The following RAB9A variants were observed in gnomAD, a reference collection of about 807,000 sequenced individuals.
The protein encoded by RAB9A is ras-related protein Rab-9A.
In RAB9A, 1 loss-of-function variant was observed where a neutral mutation model predicts 10.3. The ratio of observed to expected loss-of-function variants is 0.10; its 90% CI spans 0.03 to 0.46. RAB9A has a LOEUF of 0.46. Among genes scored for constraint, RAB9A ranks in the 20% least tolerant of loss-of-function variants. RAB9A has a pLI of 0.96. For synonymous variants in RAB9A, 39 were observed against 55.2 expected, an observed-to-expected ratio of 0.71 and a Z score of 1.30; for missense variants, 92 against 150.3, an observed-to-expected ratio of 0.61 and a Z score of 2.03.
At chrX:13,705,571 G>A (rs5979949) in intron 2 of RAB9A, among the ~76,000 whole-genome samples, 29,992 of 110,944 alleles carry the variant, frequency 0.27, 3,156 homozygotes, top group Non-Finnish European at 0.33. Context: ...AATAGTCTGG[G>A]TGGGGTTTGT....
intron 2 of RAB9A, among the ~76,000 whole-genome samples, chrX:13,705,179 G>C (rs764717813): frequency 1.6e-4 from 18 of 112,182 alleles, no homozygotes; most frequent in Middle Eastern, 9.3e-3. Flanking sequence ...TTAATGTATA[G>C]ATCAAATGAA....
chrX:13,691,003 G>A (rs1419373025), intron 1 of RAB9A, among the ~76,000 whole-genome samples: 2 of 111,572 alleles, frequency 1.8e-5, no homozygotes, highest in African/African-American at 6.5e-5. Flanking sequence ...ATGCCTGGAG[G>A]CATCTTTGGT....
chrX:13,695,826 C>T (rs987700449), intron 1 of RAB9A, among the ~76,000 whole-genome samples: 2 of 111,223 alleles, frequency 1.8e-5, no homozygotes, highest in African/African-American at 6.6e-5. Context: ...GGGTTTCAGT[C>T]TCGTGAAATA....
At chrX:13,705,277 TAGAG>T (rs1445831646) in intron 2 of RAB9A, among the ~76,000 whole-genome samples, 4 of 111,903 alleles carry the variant, frequency 3.6e-5, no homozygotes, top group South Asian at 3.7e-4. Context: ...ACTCTAGAGT[TAGAG>T]AGATATTCAT....
chrX:13,695,462 A>G (rs2046143377), intron 1 of RAB9A, among the ~76,000 whole-genome samples: 1 of 111,876 alleles, frequency 8.9e-6, no homozygotes, highest in African/African-American at 3.3e-5. Flanking sequence ...GGTAATTTTA[A>G]GGTGCTATAT....
intron 1 of RAB9A, among the ~76,000 whole-genome samples, chrX:13,697,773 G>A (rs769946150): frequency 1.8e-5 from 2 of 111,926 alleles, no homozygotes; most frequent in African/African-American, 6.5e-5. Context: ...AACTCCTTAA[G>A]ATCTGATGAA....
At chrX:13,704,718 A>G (rs2046190147) in intron 2 of RAB9A, among the ~76,000 whole-genome samples, 1 of 109,472 alleles carries the variant, frequency 9.1e-6, no homozygotes, top group Non-Finnish European at 1.9e-5. Flanking sequence ...AGGTTCAAGT[A>G]ATTCTCATGC....
intron 2 of RAB9A, among the ~76,000 whole-genome samples, chrX:13,706,688 C>T (rs1285531912): frequency 9.1e-6 from 1 of 110,134 alleles, no homozygotes; most frequent in African/African-American, 3.3e-5. Flanking sequence ...TGTGAGCCAT[C>T]GTGCCTGGCC....
At chrX:13,695,488 G>A (rs1034656566) in intron 1 of RAB9A, among the ~76,000 whole-genome samples, 1 of 112,044 alleles carries the variant, frequency 8.9e-6, no homozygotes, top group African/African-American at 3.3e-5. Flanking sequence ...GTACCTAGTA[G>A]ATATTCAGTT....
intron 1 of RAB9A, among the ~76,000 whole-genome samples, chrX:13,690,060 A>G (rs1341864097): frequency 1.8e-5 from 2 of 108,138 alleles, no homozygotes; most frequent in African/African-American, 6.8e-5. Context: ...GCACGTGACC[A>G]CAATCTTTTC....
chrX:13,697,437 C>T (rs1316507377), intron 1 of RAB9A, among the ~76,000 whole-genome samples: 2 of 111,858 alleles, frequency 1.8e-5, no homozygotes, highest in Admixed American at 9.5e-5. Flanking sequence ...CCAAAGTGCA[C>T]TCTATTGTCA....
intron 2 of RAB9A, among the ~76,000 whole-genome samples, chrX:13,708,264 C>T: frequency 9.4e-6 from 1 of 106,314 alleles, no homozygotes. Flanking sequence ...TTCAAGGCTG[C>T]AGTAAGCCAA....
Position 13,709,110 on chromosome X carries a change from C to A in RAB9A, c.364C>A (p.Leu122Met). ...GCCTGAGAGCTTTCCTTTTGTGATT[C>A]TGGGTAACAAGATTGACATAAGCGA... Reference protein sequence around the residue: ...KEPESFPFVILGNKIDISERQ... With the variant: ...KEPESFPFVIMGNKIDISERQ... The change falls in exon 3 of 3, where the codon CTG (leucine) becomes ATG (methionine). Residue 122 changes from leucine to methionine, a missense_variant. Transcript: ENST00000464506. 1 of 1,211,663 alleles carries A rather than the reference C, an allele frequency of 8.3e-7. No homozygotes were observed. The highest frequency in any genetic ancestry group is 1.8e-5 in the South Asian group (1 of 56,963).
intron 1 of RAB9A, among the ~76,000 whole-genome samples, chrX:13,693,209 T>C (rs901729668): frequency 8.9e-6 from 1 of 112,223 alleles, no homozygotes; most frequent in African/African-American, 3.2e-5. Flanking sequence ...GTAAGCCAAA[T>C]GGAAGTGTGT....
intron 1 of RAB9A, among the ~76,000 whole-genome samples, chrX:13,699,987 C>T (rs2046165954): frequency 9.0e-6 from 1 of 111,467 alleles, no homozygotes; most frequent in South Asian, 3.8e-4. Context: ...CAGAGTCTCA[C>T]TCTGTCACCC....
At chrX:13,699,000 C>T (rs1263979567) in intron 1 of RAB9A, among the ~76,000 whole-genome samples, 2 of 109,400 alleles carry the variant, frequency 1.8e-5, no homozygotes, top group Admixed American at 2.0e-4. Context: ...AAATTTAAAC[C>T]AGGAGTGATA....
chrX:13,696,500 G>T lies in RAB9A; in HGVS notation c.-116+7212G>T, dbSNP rs1209391208. ...TTCAGACAGATGGCTACACCTGAGA[G>T]AATTCACTATATACTAGCTGGGCCT... is the stretch of plus-strand genomic sequence containing the variant. On this transcript the variant is annotated intron_variant, in intron 1 of 2. Coordinates refer to ENST00000464506, the MANE Select transcript of RAB9A (RefSeq NM_004251.5). 2.7e-5 allele frequency among the ~76,000 whole-genome samples: 3 copies of T among 112,087 alleles called. No individual in the cohort carries two copies. In the Admixed American group the frequency reaches 2.8e-4, roughly 11 times the overall value.
intron 1 of RAB9A, among the ~76,000 whole-genome samples, chrX:13,696,922 T>C (rs1308613709): frequency 8.9e-6 from 1 of 111,898 alleles, no homozygotes; most frequent in Non-Finnish European, 1.9e-5. Context: ...AAACTGAACT[T>C]GATGAAGAGC....
chrX:13,699,663 A>T (rs908232853), intron 1 of RAB9A, among the ~76,000 whole-genome samples: 10 of 112,429 alleles, frequency 8.9e-5, no homozygotes, highest in Non-Finnish European at 1.7e-4. Context: ...CTGATGACTA[A>T]GATTGTCATA....
Sources: gnomAD v4.1 joint callset for allele counts (sites outside exome capture counted in the v4.1 genomes callset) on GRCh38, gnomAD v4.1.1 for gene constraint, MANE v1.5 for transcripts, NCBI Gene and HGNC (gene_info 2026-07-23, HGNC 2026-07-21) for gene names.